BRINP3: variants seen among roughly 807,000 people sequenced by gnomAD.
The protein encoded by BRINP3 is BMP/retinoic acid-inducible neural-specific protein 3.
Under a neutral mutation model 71.0 loss-of-function variants are expected in BRINP3, and 19 were observed. The ratio of observed to expected loss-of-function variants is 0.27; its 90% CI spans 0.19 to 0.39. The LOEUF (loss-of-function observed/expected upper bound fraction) is 0.39, where lower values mean the gene tolerates loss of function less well. BRINP3 is among the 10% of genes least tolerant of loss of function. The pLI is 1.00. For synonymous variants in BRINP3, 380 were observed against 337.7 expected, an observed-to-expected ratio of 1.13 and a Z score of -1.37; for missense variants, 959 against 940.8, an observed-to-expected ratio of 1.02 and a Z score of -0.25.
At chr1:190,273,695 G>A (rs1662311186) in intron 3 of BRINP3, among the ~76,000 whole-genome samples, 2 of 151,328 alleles carry the variant, frequency 1.3e-5, no homozygotes, top group African/African-American at 4.8e-5. Flanking sequence ...AATCATCTAT[G>A]TTGAGTCAAT....
intron 2 of BRINP3, among the ~76,000 whole-genome samples, chr1:190,406,191 T>C (rs549169509): frequency 1.1e-3 from 167 of 152,324 alleles, no homozygotes; most frequent in African/African-American, 3.0e-3. Context: ...TGTTACAGGA[T>C]AATGGATATA....
intron 2 of BRINP3, among the ~76,000 whole-genome samples, chr1:190,406,092 G>A (rs375056548): frequency 6.6e-4 from 100 of 152,166 alleles, no homozygotes; most frequent in Non-Finnish European, 1.0e-3. Flanking sequence ...GATTAGATTG[G>A]AGCCGGTTTG....
intron 2 of BRINP3, among the ~76,000 whole-genome samples, chr1:190,357,777 G>A (rs564770991): frequency 1.3e-5 from 2 of 151,884 alleles, no homozygotes; most frequent in East Asian, 1.9e-4. Context: ...CCATTTTCAC[G>A]ATATTGATTC....
At chr1:190,370,609 T>C (rs1002380602) in intron 2 of BRINP3, among the ~76,000 whole-genome samples, 25 of 152,218 alleles carry the variant, frequency 1.6e-4, no homozygotes, top group Admixed American at 6.5e-5. Flanking sequence ...ACCAGACTTA[T>C]GCGAAAAGTA....
chr1:190,365,678 A>G (rs998704124), intron 2 of BRINP3, among the ~76,000 whole-genome samples: 1 of 145,824 alleles, frequency 6.9e-6, no homozygotes, highest in Non-Finnish European at 1.5e-5. Context: ...TTAATATAAT[A>G]CAATATAATA....
At chr1:190,214,701 C>T (rs1213636990) in intron 6 of BRINP3, among the ~76,000 whole-genome samples, 2 of 151,874 alleles carry the variant, frequency 1.3e-5, no homozygotes, top group Admixed American at 1.3e-4. Flanking sequence ...TTGCTGTCAG[C>T]CTGAGTGTTG....
intron 6 of BRINP3, among the ~76,000 whole-genome samples, chr1:190,172,675 T>C (rs1652124787): frequency 6.6e-6 from 1 of 152,144 alleles, no homozygotes; most frequent in South Asian, 2.1e-4. Flanking sequence ...GAAATTCCAG[T>C]TTAGACTTTA....
rs1373022423 is a variant in BRINP3, at chr1:190,454,669, T to A, written c.222A>T (p.Arg74Ser). Residue 74 changes from arginine (R) to serine (S), a missense_variant, in exon 2 of 8, where the codon AGA becomes AGT. Transcript: ENST00000367462. ...VDRSRQGFST[R>S]YKIYREFGRW... ...TTGCTTCATACCTGTATATCTTGTA[T>A]CTTGTGCTAAATCCCTGCCGGCTTC... 1 of 1,613,902 alleles carries A rather than the reference T, an allele frequency of 6.2e-7. No individual in the cohort carries two copies. The highest frequency in any genetic ancestry group is 1.1e-5 in the South Asian group (1 of 91,054).
intron 6 of BRINP3, among the ~76,000 whole-genome samples, chr1:190,197,496 T>C (rs1425045035): frequency 2.6e-5 from 4 of 152,152 alleles, no homozygotes; most frequent in Non-Finnish European, 5.9e-5. Context: ...TTAGATACAA[T>C]GGGGGTACAG....
chr1:190,453,538 A>C (rs1675792475), intron 2 of BRINP3, among the ~76,000 whole-genome samples: 1 of 152,006 alleles, frequency 6.6e-6, no homozygotes, highest in Non-Finnish European at 1.5e-5. Context: ...TTTATTTAAA[A>C]AATAGAGTAA....
intron 3 of BRINP3, among the ~76,000 whole-genome samples, chr1:190,277,988 G>A (rs931049786): frequency 1.3e-5 from 2 of 151,610 alleles, no homozygotes; most frequent in African/African-American, 4.8e-5. Context: ...TTTCTCTATA[G>A]ATAGAATGAT....
intron 2 of BRINP3, among the ~76,000 whole-genome samples, chr1:190,328,376 T>C (rs75602078): frequency 0.13 from 19,777 of 151,956 alleles, 1,669 homozygotes; most frequent in South Asian, 0.26. Flanking sequence ...AAATATGACA[T>C]TGCAATTGAT....
chr1:190,316,644 A>G (rs1665902019), intron 2 of BRINP3, among the ~76,000 whole-genome samples: 1 of 152,124 alleles, frequency 6.6e-6, no homozygotes, highest in Admixed American at 6.5e-5. Flanking sequence ...CCTCAGTGCT[A>G]TAATGCATAA....
intron 7 of BRINP3, among the ~76,000 whole-genome samples, chr1:190,131,255 C>T (rs1401966505): frequency 6.6e-6 from 1 of 151,472 alleles, no homozygotes; most frequent in Non-Finnish European, 1.5e-5. Flanking sequence ...AAAGCCTTCA[C>T]TCAAAGTTAA....
At chr1:190,476,608 TG>T (rs1378286893) in intron 1 of BRINP3, among the ~76,000 whole-genome samples, 1 of 152,128 alleles carries the variant, frequency 6.6e-6, no homozygotes, top group Non-Finnish European at 1.5e-5. Flanking sequence ...ACACAAGGGT[TG>T]GGGGCAGACA....
chr1:190,114,008 G>T (rs780224519), intron 7 of BRINP3, among the ~76,000 whole-genome samples: 24 of 152,094 alleles, frequency 1.6e-4, no homozygotes, highest in Non-Finnish European at 2.6e-4. Flanking sequence ...CAGTGATATA[G>T]TTTGGATATT....
At chr1:190,135,672 A>G (rs1654911057) in intron 7 of BRINP3, among the ~76,000 whole-genome samples, 1 of 152,094 alleles carries the variant, frequency 6.6e-6, no homozygotes, top group Non-Finnish European at 1.5e-5. Context: ...GCCCCAGGCT[A>G]AACTTGAGCA....
intron 6 of BRINP3, among the ~76,000 whole-genome samples, chr1:190,219,946 A>G (rs946156605): frequency 1.3e-5 from 2 of 151,920 alleles, no homozygotes; most frequent in Non-Finnish European, 2.9e-5. Context: ...AACAAAGACC[A>G]CCTATAAGAT....
chr1:190,343,813 T>C (rs937638571), intron 2 of BRINP3, among the ~76,000 whole-genome samples: 5 of 151,686 alleles, frequency 3.3e-5, no homozygotes, highest in African/African-American at 4.8e-5. Context: ...AAATGGGCTG[T>C]ATCATACTCA....
Sources: allele counts gnomAD v4.1 joint callset (sites outside exome capture counted in the v4.1 genomes callset), GRCh38; gene constraint gnomAD v4.1.1; transcripts MANE v1.5; gene names NCBI Gene and HGNC (gene_info 2026-07-23, HGNC 2026-07-21).